PDE7A: variants seen among roughly 807,000 people sequenced by gnomAD.
PDE7A encodes phosphodiesterase 7A.
PDE7A carries 39 observed loss-of-function variants against 64.3 expected under a neutral mutation model. The observed-to-expected ratio is 0.61, with a 90% CI of 0.47 to 0.79. The LOEUF (loss-of-function observed/expected upper bound fraction) is 0.79. Among genes scored for constraint, PDE7A ranks in the 30% least tolerant of loss-of-function variants. The probability of loss-of-function intolerance (pLI) is 0.00; values close to 1 mark genes in which losing one functional copy is unlikely to be tolerated. For synonymous variants in PDE7A, 203 were observed against 206.8 expected (o/e 0.98, Z 0.16); for missense variants, 470 against 582.8 (o/e 0.81, Z 1.99).
intron 1 of PDE7A, among the ~76,000 whole-genome samples, chr8:65,785,824 A>G (rs185308290): frequency 9.5e-5 from 12 of 125,740 alleles, no homozygotes; most frequent in Admixed American, 8.2e-4. Context: ...GGGAGTTGAC[A>G]TTATTATTAT....
intron 3 of PDE7A, among the ~76,000 whole-genome samples, chr8:65,768,642 G>T (rs751505319): frequency 6.6e-6 from 1 of 152,076 alleles, no homozygotes; most frequent in African/African-American, 2.4e-5. Flanking sequence ...ACTGATACTT[G>T]TATTCTCTTT....
intron 3 of PDE7A, among the ~76,000 whole-genome samples, chr8:65,750,020 T>A (rs1807860082): frequency 2.5e-5 from 1 of 39,886 alleles, no homozygotes. Context: ...CATAATAGCA[T>A]GGCATGAATA....
intron 6 of PDE7A, among the ~76,000 whole-genome samples, chr8:65,738,334 G>T (rs1807243947): frequency 6.6e-6 from 1 of 152,102 alleles, no homozygotes; most frequent in South Asian, 2.1e-4. Context: ...ATCACAATGA[G>T]GGTCAGAAAA....
At chr8:65,741,667 T>C (rs1280550189) in intron 5 of PDE7A, among the ~76,000 whole-genome samples, 2 of 152,244 alleles carry the variant, frequency 1.3e-5, no homozygotes, top group Non-Finnish European at 2.9e-5. Context: ...CACGAGTCCA[T>C]GTGGTGTGGA....
intron 4 of PDE7A, among the ~76,000 whole-genome samples, chr8:65,746,148 G>A (rs768906231): frequency 5.5e-4 from 82 of 149,952 alleles, no homozygotes; most frequent in Admixed American, 4.0e-4. Context: ...GCCCAGGGCT[G>A]GTTTCAAACT....
At chr8:65,822,927 C>A (rs1465747716) in intron 1 of PDE7A, among the ~76,000 whole-genome samples, 1 of 150,916 alleles carries the variant, frequency 6.6e-6, no homozygotes, top group Non-Finnish European at 1.5e-5. Context: ...CACTTATTAT[C>A]TTATCTATTA....
chr8:65,781,695 A>T (rs1426289480), intron 2 of PDE7A, among the ~76,000 whole-genome samples: 1 of 152,210 alleles, frequency 6.6e-6, no homozygotes, highest in African/African-American at 2.4e-5. Flanking sequence ...ATGGCAAAAG[A>T]CTGCAGAACA....
At chr8:65,762,731 C>T (rs1808570559) in intron 3 of PDE7A, among the ~76,000 whole-genome samples, 1 of 151,850 alleles carries the variant, frequency 6.6e-6, no homozygotes, top group South Asian at 2.1e-4. Context: ...TTTAACAAAA[C>T]CAGATTTATT....
chr8:65,753,768 A>C (rs1190281342), intron 3 of PDE7A, among the ~76,000 whole-genome samples: 1 of 152,092 alleles, frequency 6.6e-6, no homozygotes, highest in African/African-American at 2.4e-5. Context: ...AATTCTGTCA[A>C]ATTTTGCTTC....
chr8:65,832,487 T>C (rs999252144), intron 1 of PDE7A, among the ~76,000 whole-genome samples: 15 of 152,214 alleles, frequency 9.9e-5, no homozygotes, highest in Admixed American at 2.6e-4. Context: ...AAAATCTTAC[T>C]AGCATTGTGT....
At chr8:65,787,042 A>C (rs1809576750) in intron 1 of PDE7A, among the ~76,000 whole-genome samples, 1 of 152,246 alleles carries the variant, frequency 6.6e-6, no homozygotes. Context: ...TCCCAATATT[A>C]GTTAATACAT....
intron 1 of PDE7A, among the ~76,000 whole-genome samples, chr8:65,792,394 T>C (rs1016850658): frequency 6.6e-6 from 1 of 152,238 alleles, no homozygotes; most frequent in Non-Finnish European, 1.5e-5. Context: ...ACTTTGTTCA[T>C]TGTTTCTTAG....
chr8:65,810,065 C>T (rs1810215480), intron 1 of PDE7A, among the ~76,000 whole-genome samples: 1 of 152,148 alleles, frequency 6.6e-6, no homozygotes, highest in Non-Finnish European at 1.5e-5. Context: ...TACTGCAGCA[C>T]TATTGACAAT....
chr8:65,795,460 C>T (rs1040352835), intron 1 of PDE7A, among the ~76,000 whole-genome samples: 1 of 152,176 alleles, frequency 6.6e-6, no homozygotes, highest in Non-Finnish European at 1.5e-5. Context: ...GAATCTTTGG[C>T]TGAATACTAA....
intron 1 of PDE7A, among the ~76,000 whole-genome samples, chr8:65,813,656 CTT>C (rs937358244): frequency 2.4e-4 from 36 of 152,236 alleles, no homozygotes; most frequent in African/African-American, 8.4e-4. Flanking sequence ...CAAGCATTGA[CTT>C]TATTTTTTAA....
intron 1 of PDE7A, among the ~76,000 whole-genome samples, chr8:65,820,119 G>A (rs1159181181): frequency 6.6e-6 from 1 of 152,250 alleles, no homozygotes; most frequent in Non-Finnish European, 1.5e-5. Context: ...TACATGGCCA[G>A]GTGTGATGGC....
chr8:65,833,370 G>T (rs1810877384), intron 1 of PDE7A, among the ~76,000 whole-genome samples: 1 of 152,170 alleles, frequency 6.6e-6, no homozygotes, highest in Non-Finnish European at 1.5e-5. Context: ...GATTTGAAAA[G>T]ATCAGAATGA....
chr8:65,775,525 C>G (rs1452417402), intron 3 of PDE7A, among the ~76,000 whole-genome samples: 2 of 152,218 alleles, frequency 1.3e-5, no homozygotes, highest in Non-Finnish European at 2.9e-5. Flanking sequence ...GTACTTATTT[C>G]AGAATTTGAA....
rs758503841 is a variant in PDE7A at position 65,723,620 on chromosome 8, T to A, written c.1164A>T (p.Gly388=). 1 of 1,544,634 alleles carries A rather than the reference T, an allele frequency of 6.5e-7. No individual in the cohort carries two copies. Among genetic ancestry groups the A allele is most frequent in the Admixed American group, 2.1e-5 (1 of 48,204 alleles). The stretch of plus-strand genomic sequence containing the variant: ...CCAAATGATATTTTTTTTCTATATC[T>A]CCTATAAATTAAAAAAAGAGAAGTA... The part of the protein sequence containing the change: ...EKVTEEFFHQ[G]DIEKKYHLGV... The change falls in exon 12 of 13, where the codon GGA becomes GGT. Residue 388 remains glycine, a splice_region_variant and synonymous_variant. Transcript: ENST00000401827.
Sources: allele counts gnomAD v4.1 joint callset (sites outside exome capture counted in the v4.1 genomes callset), GRCh38; gene constraint gnomAD v4.1.1; transcripts MANE v1.5; gene names NCBI Gene and HGNC (gene_info 2026-07-23, HGNC 2026-07-21).